The following EOGT variants were observed in gnomAD, a reference collection of about 807,000 sequenced individuals.
EOGT encodes EGF domain-specific O-linked N-acetylglucosamine transferase.
EOGT carries 55 observed loss-of-function variants against 70.5 expected under a neutral mutation model. The observed-to-expected ratio is 0.78, with a 90% CI of 0.63 to 0.98. The LOEUF (loss-of-function observed/expected upper bound fraction) is 0.98. Among genes scored for constraint, EOGT ranks in the 50% least tolerant of loss-of-function variants. EOGT has a pLI of 0.00. For synonymous variants in EOGT, 246 were observed against 217.1 expected (o/e 1.13, Z -1.17); for missense variants, 703 against 641.9 (o/e 1.10, Z -1.03).
chr3:68,997,947 A>G (rs1004039332), intron 10 of EOGT, 64 bp downstream of exon 10: 2 of 968,696 alleles, frequency 2.1e-6, no homozygotes, highest in Admixed American at 2.5e-5. Flanking sequence ...GTTTCACAAC[A>G]TCAGAGTCAC....
chr3:69,009,534 G>A (rs1050972485), intron 4 of EOGT, 103 bp downstream of exon 4: 5 of 857,734 alleles, frequency 5.8e-6, no homozygotes, highest in African/African-American at 1.7e-5. Flanking sequence ...AGTGACAACC[G>A]AAAATTAGAA....
At chr3:68,982,312 G>A (rs1559587620) in intron 15 of EOGT, among the ~76,000 whole-genome samples, 1 of 152,068 alleles carries the variant, frequency 6.6e-6, no homozygotes, top group Non-Finnish European at 1.5e-5. Flanking sequence ...TTGAGGTCAC[G>A]ACTTCAAGAC....
intron 6 of EOGT, 67 bp downstream of exon 6, chr3:69,007,646 C>T (rs762223325): frequency 3.3e-5 from 36 of 1,086,638 alleles, no homozygotes; most frequent in Non-Finnish European, 4.0e-5. Flanking sequence ...ACAGAAACTC[C>T]GTCTCAAAAA....
chr3:68,998,726 C>T (rs561787247), intron 9 of EOGT, among the ~76,000 whole-genome samples: 192 of 151,536 alleles, frequency 1.3e-3, no homozygotes, highest in Non-Finnish European at 2.5e-3. Flanking sequence ...TGGTTAGCCA[C>T]TCAGGAGGCT....
At chr3:68,988,207 G>A (rs758697155) in intron 13 of EOGT, 88 bp downstream of exon 13, 1 of 936,588 alleles carries the variant, frequency 1.1e-6, no homozygotes, top group Non-Finnish European at 1.6e-6. Context: ...ATGGTCTCCT[G>A]ATTATTTCTG....
At chr3:69,006,794 G>A (rs576353699) in intron 6 of EOGT, among the ~76,000 whole-genome samples, 24 of 152,236 alleles carry the variant, frequency 1.6e-4, no homozygotes, top group African/African-American at 5.1e-4. Flanking sequence ...GGTACGATAT[G>A]GTATGGTTGA....
chr3:69,002,694 G>A (rs550768033), intron 8 of EOGT, among the ~76,000 whole-genome samples: 11 of 148,868 alleles, frequency 7.4e-5, no homozygotes, highest in Admixed American at 4.0e-4. Flanking sequence ...TTGATCCATC[G>A]CCCAGGCTGG....
intron 8 of EOGT, among the ~76,000 whole-genome samples, chr3:69,004,025 A>G (rs2091372153): frequency 6.6e-6 from 1 of 152,234 alleles, no homozygotes; most frequent in South Asian, 2.1e-4. Context: ...GGCATGAGCC[A>G]CCATTCCTGG....
intron 8 of EOGT, among the ~76,000 whole-genome samples, chr3:69,003,290 C>A (rs916046618): frequency 6.6e-6 from 1 of 152,192 alleles, no homozygotes; most frequent in African/African-American, 2.4e-5. Flanking sequence ...GGGAATTAGA[C>A]AACGTACAAG....
intron 11 of EOGT, 110 bp from the exon 12 acceptor site, chr3:68,988,687 T>G: frequency 1.4e-6 from 1 of 697,768 alleles, no homozygotes; most frequent in Non-Finnish European, 2.3e-6. Context: ...TTGCATTGCT[T>G]GAATAGCACA....
chr3:68,978,371 T>C lies in EOGT; in HGVS notation c.1399A>G (p.Thr467Ala), dbSNP rs769582239. 2 of 1,613,106 alleles carry C rather than the reference T, an allele frequency of 1.2e-6. No homozygotes were observed. The highest frequency in any genetic ancestry group is 1.7e-6 in the Non-Finnish European group (2 of 1,179,658). ...AAGACTTTGTTCTGCCGTCGCCAAG[T>C]GATGTAGTGAACGCCTCTCAGCCTG... is the stretch of plus-strand genomic sequence containing the variant. Reference protein sequence around the residue: ...LARLRGVHYITWRRQNKVFPQ... With the variant: ...LARLRGVHYIAWRRQNKVFPQ... Residue 467 changes from threonine (T) to alanine (A), a missense_variant, in exon 17 of 18, where the codon ACT (threonine) becomes GCT (alanine). Coordinates refer to ENST00000383701, the MANE Select transcript of EOGT (RefSeq NM_001278689.2).
chr3:68,979,357 T>G (rs1308030213), intron 16 of EOGT, among the ~76,000 whole-genome samples: 2 of 152,174 alleles, frequency 1.3e-5, no homozygotes, highest in South Asian at 2.1e-4. Flanking sequence ...CTACACTGTT[T>G]GCAAGAAGAC....
chr3:68,999,055 G>A (rs2091231404), intron 9 of EOGT, among the ~76,000 whole-genome samples: 2 of 152,170 alleles, frequency 1.3e-5, no homozygotes, highest in African/African-American at 4.8e-5. Flanking sequence ...AAGCAATTCT[G>A]GAGAAAGAAG....
At chr3:68,983,235 T>A (rs921546589) in intron 14 of EOGT, among the ~76,000 whole-genome samples, 1 of 152,170 alleles carries the variant, frequency 6.6e-6, no homozygotes, top group Admixed American at 6.5e-5. Flanking sequence ...TCCCTCAACT[T>A]TCAACACACA....
chr3:68,989,021 A>T lies in EOGT; in HGVS notation c.832-4T>A. The T allele has an allele frequency of 6.6e-7, 1 of 1,504,756 alleles. No homozygotes were observed. The highest frequency in any genetic ancestry group is 8.9e-7 in the Non-Finnish European group (1 of 1,123,932). The allele number at this position is 1,504,756 out of a possible 1,614,324, so 93.2% of individuals were successfully genotyped here. On this transcript the variant is annotated splice_region_variant and splice_polypyrimidine_tract_variant and intron_variant, in intron 10 of 17. Transcript: ENST00000383701. Reference sequence around the variant, plus strand: ...GGTCACCATATCCGTAAGAACTCTGAAAGTAGAAACAAAACAAGGTTTTAG... The same window carrying T: ...GGTCACCATATCCGTAAGAACTCTGTAAGTAGAAACAAAACAAGGTTTTAG...
At chr3:68,984,812 G>A (rs1465627940) in intron 14 of EOGT, among the ~76,000 whole-genome samples, 1 of 152,166 alleles carries the variant, frequency 6.6e-6, no homozygotes, top group Non-Finnish European at 1.5e-5. Context: ...CTCTGCAGTG[G>A]CCTGATGTTG....
intron 14 of EOGT, among the ~76,000 whole-genome samples, chr3:68,983,917 C>T (rs899080195): frequency 2.0e-5 from 3 of 152,126 alleles, no homozygotes; most frequent in African/African-American, 4.8e-5. Context: ...GAGCCGAGAT[C>T]GTGCCACTGC....
At chr3:68,997,569 A>G (rs2091185425) in intron 10 of EOGT, among the ~76,000 whole-genome samples, 1 of 152,166 alleles carries the variant, frequency 6.6e-6, no homozygotes, top group Admixed American at 6.5e-5. Context: ...AGATTTCACC[A>G]TGTTGGCCAG....
At chr3:68,989,930 A>T (rs1174338056) in intron 10 of EOGT, among the ~76,000 whole-genome samples, 1 of 152,002 alleles carries the variant, frequency 6.6e-6, no homozygotes, top group African/African-American at 2.4e-5. Flanking sequence ...ACAGAGCAAG[A>T]CCTTGTCTCT....
Sources: gnomAD v4.1 joint callset for allele counts (sites outside exome capture counted in the v4.1 genomes callset) on GRCh38, gnomAD v4.1.1 for gene constraint, MANE v1.5 for transcripts, NCBI Gene and HGNC (gene_info 2026-07-23, HGNC 2026-07-21) for gene names.